The following SEMA6D variants were observed in gnomAD, a reference collection of about 807,000 sequenced individuals.
The protein encoded by SEMA6D is semaphorin-6D.
Under a neutral mutation model 106.6 loss-of-function variants are expected in SEMA6D, and 35 were observed. That is an observed-to-expected ratio of 0.33 (90% confidence interval 0.25 to 0.44). The LOEUF (loss-of-function observed/expected upper bound fraction) is 0.44. SEMA6D is among the 20% of genes least tolerant of loss of function. The probability of loss-of-function intolerance (pLI) is 1.00; values close to 1 mark genes in which losing one functional copy is unlikely to be tolerated. For missense variants in SEMA6D, 1,185 were observed against 1,345.9 expected (o/e 0.88, Z 1.87); for synonymous variants, 499 against 487.7 (o/e 1.02, Z -0.31).
intron 1 of SEMA6D, among the ~76,000 whole-genome samples, chr15:47,740,865 G>A (rs779845141): frequency 3.3e-5 from 5 of 152,136 alleles, no homozygotes; most frequent in South Asian, 2.1e-4. Context: ...GACCCTTAAC[G>A]TCAAAGATAG....
At chr15:47,525,412 A>C (rs987732056) in intron 3 of SEMA6D, 2 of 152,224 alleles carry the variant, frequency 1.3e-5, no homozygotes, top group African/African-American at 2.4e-5. Flanking sequence ...ATAGTTGGTC[A>C]CATGGAGGAC....
At chr15:47,719,614 A>G (rs1307230861) in intron 1 of SEMA6D, among the ~76,000 whole-genome samples, 1 of 152,174 alleles carries the variant, frequency 6.6e-6, no homozygotes, top group Non-Finnish European at 1.5e-5. Context: ...ACATTTTTCT[A>G]AACTGGTTTG....
In SEMA6D at chr15:47,770,752, A is replaced by G; in HGVS notation, c.2189A>G (p.Gln730Arg). 1 of 1,614,138 alleles carries G rather than the reference A, an allele frequency of 6.2e-7. No homozygotes were observed. Among genetic ancestry groups the G allele is most frequent in the Non-Finnish European group, 8.5e-7 (1 of 1,180,002 alleles). Residue 730 changes from glutamine to arginine, a missense_variant, in exon 19 of 19, where the codon CAG becomes CGG. By Grantham distance (43) the Gln-to-Arg change is conservative. Around this residue, in one of 3 missense-constraint regions of SEMA6D, gnomAD observed 750 missense variants for 783.5 expected, o/e 0.96. Transcript: ENST00000536845. The stretch of plus-strand genomic sequence containing the variant: ...GACAGCCCTGTCAAGGAATACCAAC[A>G]GAATATTGATTCTCCTAAACTGTAT... The part of the protein sequence containing the change: ...LFDSPVKEYQ[Q>R]NIDSPKLYSN...
intron 1 of SEMA6D, among the ~76,000 whole-genome samples, chr15:47,379,808 A>C (rs1245304022): frequency 6.6e-6 from 1 of 152,094 alleles, no homozygotes; most frequent in Non-Finnish European, 1.5e-5. Context: ...CCCAGGCTGG[A>C]GTGCAATGGC....
intron 1 of SEMA6D, among the ~76,000 whole-genome samples, chr15:47,199,711 CTTG>C (rs1323694339): frequency 1.3e-5 from 2 of 152,090 alleles, no homozygotes; most frequent in African/African-American, 2.4e-5. Flanking sequence ...TGCAAGAAAA[CTTG>C]CTAAACTAAA....
chr15:47,231,054 G>A (rs1198551512), intron 1 of SEMA6D, among the ~76,000 whole-genome samples: 1 of 151,838 alleles, frequency 6.6e-6, no homozygotes, highest in Non-Finnish European at 1.5e-5. Flanking sequence ...CAAGTAGTAT[G>A]TTGAAAAGAA....
chr15:47,581,989 A>G (rs1212105437), intron 3 of SEMA6D, among the ~76,000 whole-genome samples: 1 of 152,218 alleles, frequency 6.6e-6, no homozygotes, highest in Non-Finnish European at 1.5e-5. Flanking sequence ...AAATTTTCCC[A>G]GATTGTCCCA....
chr15:47,243,089 G>A (rs1293484462), intron 1 of SEMA6D, among the ~76,000 whole-genome samples: 1 of 152,068 alleles, frequency 6.6e-6, no homozygotes, highest in Non-Finnish European at 1.5e-5. Context: ...CTTTTGCTTT[G>A]TGGGCTGCCT....
At chr15:47,257,279 C>A (rs961794220) in intron 1 of SEMA6D, among the ~76,000 whole-genome samples, 1 of 152,054 alleles carries the variant, frequency 6.6e-6, no homozygotes, top group Non-Finnish European at 1.5e-5. Context: ...GTATGGTCTC[C>A]ATCTCCTGAC....
chr15:47,628,580 C>T (rs1472027972), intron 4 of SEMA6D, among the ~76,000 whole-genome samples: 1 of 151,924 alleles, frequency 6.6e-6, no homozygotes, highest in Non-Finnish European at 1.5e-5. Context: ...TTTTCCCATT[C>T]TCTAGTGGGA....
chr15:47,637,006 TA>T (rs1355658513), intron 4 of SEMA6D, among the ~76,000 whole-genome samples: 2 of 152,222 alleles, frequency 1.3e-5, no homozygotes, highest in African/African-American at 4.8e-5. Context: ...CTGAAGCACT[TA>T]TGTGGACATA....
intron 1 of SEMA6D, among the ~76,000 whole-genome samples, chr15:47,231,410 C>T (rs2032187355): frequency 6.6e-6 from 1 of 151,994 alleles, no homozygotes; most frequent in Admixed American, 6.6e-5. Context: ...TTTCAGATCT[C>T]TGCTATTACT....
At chr15:47,417,762 A>T in intron 2 of SEMA6D, among the ~76,000 whole-genome samples, 1 of 151,730 alleles carries the variant, frequency 6.6e-6, no homozygotes, top group East Asian at 1.9e-4. Flanking sequence ...CTAAATATTA[A>T]TTTTCCATGT....
chr15:47,266,869 G>C (rs951780043), intron 1 of SEMA6D, among the ~76,000 whole-genome samples: 3 of 152,060 alleles, frequency 2.0e-5, no homozygotes, highest in African/African-American at 7.2e-5. Flanking sequence ...TTGTTGTCCT[G>C]TCAATTTTAG....
At chr15:47,301,857 C>G (rs2036035420) in intron 1 of SEMA6D, among the ~76,000 whole-genome samples, 2 of 152,300 alleles carry the variant, frequency 1.3e-5, no homozygotes, top group South Asian at 4.1e-4. Context: ...GTCCCCCAAA[C>G]TCTGAAGGAG....
intron 1 of SEMA6D, among the ~76,000 whole-genome samples, chr15:47,184,571 G>C (rs1893409624): frequency 6.6e-6 from 1 of 152,200 alleles, no homozygotes; most frequent in Non-Finnish European, 1.5e-5. Flanking sequence ...CGCCGCGGCC[G>C]GCGCAGAGAC....
intron 1 of SEMA6D, among the ~76,000 whole-genome samples, chr15:47,322,193 T>C (rs544537995): frequency 1.3e-5 from 2 of 152,176 alleles, no homozygotes; most frequent in Admixed American, 6.5e-5. Context: ...AAATATACTC[T>C]TCACTCATTT....
At chr15:47,493,044 C>T (rs1406925136) in intron 3 of SEMA6D, among the ~76,000 whole-genome samples, 2 of 152,114 alleles carry the variant, frequency 1.3e-5, no homozygotes, top group African/African-American at 2.4e-5. Context: ...GAATGAAAGA[C>T]ACAGATTTCA....
At chr15:47,664,346 ATATT>A (rs556565107) in intron 4 of SEMA6D, among the ~76,000 whole-genome samples, 185 of 152,294 alleles carry the variant, frequency 1.2e-3, no homozygotes, top group Admixed American at 2.0e-3. Flanking sequence ...TGTTTATAGA[ATATT>A]TAATGAGCTC....
Sources: allele counts gnomAD v4.1 joint callset (sites outside exome capture counted in the v4.1 genomes callset), GRCh38; gene constraint gnomAD v4.1.1; regional missense constraint gnomAD v4.1.1; transcripts MANE v1.5; gene names NCBI Gene and HGNC (gene_info 2026-07-23, HGNC 2026-07-21).